The following TEK variants were observed in gnomAD, a reference collection of about 807,000 sequenced individuals.
TEK encodes the protein TEK receptor tyrosine kinase.
A neutral mutation model predicts 131.8 loss-of-function variants in TEK; 43 were observed. That is an observed-to-expected ratio of 0.33 (90% CI 0.26 to 0.42). TEK has a LOEUF of 0.42. Among genes scored for constraint, TEK ranks in the 10% least tolerant of loss-of-function variants. The pLI is 1.00. For missense variants in TEK, 1,162 were observed against 1,384.4 expected, an observed-to-expected ratio of 0.84 and a Z score of 2.55; for synonymous variants, 580 against 491.6, an observed-to-expected ratio of 1.18 and a Z score of -2.38.
chr9:27,206,601 A>C lies in TEK; in HGVS notation c.2384A>C (p.Gln795Pro), dbSNP rs758529426. The change falls in exon 15 of 23, where the codon CAG becomes CCG. Residue 795 changes from glutamine to proline, a missense_variant. Coordinates refer to ENST00000380036, the MANE Select transcript of TEK (RefSeq NM_000459.5). ...TTCCAGAGGGAAGAACCAGCTGTGCAGTTCAACTCAGGGACTCTGGCCCTA... is the reference window on the plus strand; with the variant it reads ...TTCCAGAGGGAAGAACCAGCTGTGCCGTTCAACTCAGGGACTCTGGCCCTA... ...FQNVREEPAV[Q>P]FNSGTLALNR... 1.9e-6 allele frequency: 3 copies of C among 1,614,016 alleles called. No homozygotes were observed. In the South Asian group the frequency reaches 3.3e-5, roughly 18 times the overall value.
intron 14 of TEK, 46 bp downstream of exon 14, chr9:27,205,111 C>CA: frequency 6.2e-7 from 1 of 1,609,656 alleles, no homozygotes; most frequent in Non-Finnish European, 8.5e-7. Flanking sequence ...AGTCCAAGTA[C>CA]AGGCAGAACC....
intron 10 of TEK, among the ~76,000 whole-genome samples, chr9:27,191,656 G>A (rs1465670662): frequency 6.6e-6 from 1 of 151,890 alleles, no homozygotes; most frequent in Non-Finnish European, 1.5e-5. Context: ...TGGGTAGACC[G>A]AATAAAATGG....
chr9:27,163,224 G>A (rs953623268), intron 2 of TEK, among the ~76,000 whole-genome samples: 1 of 152,160 alleles, frequency 6.6e-6, no homozygotes, highest in Non-Finnish European at 1.5e-5. Flanking sequence ...TTGGATCTGG[G>A]AAGGTGAAGT....
At chr9:27,160,699 A>G (rs1823515083) in intron 2 of TEK, among the ~76,000 whole-genome samples, 1 of 152,246 alleles carries the variant, frequency 6.6e-6, no homozygotes. Flanking sequence ...GTCAAAAGTA[A>G]TAAAATTGCT....
chr9:27,197,461 A>T lies in TEK; in HGVS notation c.1771A>T (p.Ile591Phe). The change falls in exon 12 of 23, where the codon ATT (isoleucine) becomes TTT (phenylalanine). Residue 591 changes from isoleucine (I) to phenylalanine (F), a missense_variant. Transcript: ENST00000380036. ...TGTGCAAAAAAGTGATCAGCAGAATATTAAAGTTCCAGGCAACTTGACTTC... is the reference window on the plus strand; with the variant it reads ...TGTGCAAAAAAGTGATCAGCAGAATTTTAAAGTTCCAGGCAACTTGACTTC... ...RSVQKSDQQNIKVPGNLTSVL... is the reference protein window; with the variant it reads ...RSVQKSDQQNFKVPGNLTSVL... 6.2e-7 allele frequency: 1 copy of T among 1,614,102 alleles called. No homozygotes were observed. Among genetic ancestry groups the T allele is most frequent in the Non-Finnish European group, 8.5e-7 (1 of 1,180,010 alleles).
rs1355684788 is a variant in TEK, at chr9:27,109,579, A to AT, written c.-9dup. ...ACATTTGTGGAAACTGGATGGAGAG[A>AT]TTTGGGGAAGCATGGACTCTTTAGC... On this transcript the variant is annotated 5_prime_UTR_variant, in exon 1 of 23. Coordinates refer to ENST00000380036, the MANE Select transcript of TEK (RefSeq NM_000459.5). 6 of 1,613,976 alleles carry AT rather than the reference A, an allele frequency of 3.7e-6. No homozygotes were observed. Among genetic ancestry groups the AT allele is most frequent in the Non-Finnish European group, 5.1e-6 (6 of 1,180,000 alleles).
intron 1 of TEK, among the ~76,000 whole-genome samples, chr9:27,136,087 T>TTTA (rs200186093): frequency 0.015 from 2,147 of 145,084 alleles, 62 homozygotes; most frequent in African/African-American, 0.054. Flanking sequence ...GGGCAGTTAT[T>TTTA]TTTTTTTTTT....
chr9:27,134,842 GA>G (rs1822358038), intron 1 of TEK, among the ~76,000 whole-genome samples: 1 of 152,170 alleles, frequency 6.6e-6, no homozygotes, highest in Admixed American at 6.5e-5. Flanking sequence ...AACATAGGAG[GA>G]ATATAGGTCT....
chr9:27,222,315 C>A (rs1457969715), intron 21 of TEK, among the ~76,000 whole-genome samples: 1 of 152,102 alleles, frequency 6.6e-6, no homozygotes, highest in African/African-American at 2.4e-5. Context: ...GAGAACTTCC[C>A]CAACCTAGCA....
intron 11 of TEK, among the ~76,000 whole-genome samples, chr9:27,193,895 C>T (rs531769850): frequency 6.6e-6 from 1 of 152,174 alleles, no homozygotes; most frequent in Non-Finnish European, 1.5e-5. Flanking sequence ...CAGCCTCTAT[C>T]TCCTGGGCTC....
chr9:27,146,191 T>C (rs1205003205), intron 1 of TEK, among the ~76,000 whole-genome samples: 1 of 152,258 alleles, frequency 6.6e-6, no homozygotes, highest in African/African-American at 2.4e-5. Flanking sequence ...GTTTACAGTT[T>C]GTGGCTATAT....
At chr9:27,193,652 G>C (rs916923599) in intron 11 of TEK, among the ~76,000 whole-genome samples, 2 of 151,986 alleles carry the variant, frequency 1.3e-5, no homozygotes, top group East Asian at 3.9e-4. Context: ...ACTCTCTCTT[G>C]GTCAGTACTT....
intron 6 of TEK, among the ~76,000 whole-genome samples, chr9:27,177,676 G>A (rs1564078603): frequency 6.6e-6 from 1 of 152,192 alleles, no homozygotes; most frequent in South Asian, 2.1e-4. Flanking sequence ...CTTGAACCAG[G>A]GAGGTGGAGG....
intron 18 of TEK, 102 bp downstream of exon 18, chr9:27,213,699 T>C: frequency 1.2e-6 from 1 of 854,374 alleles, no homozygotes; most frequent in Non-Finnish European, 2.0e-6. Context: ...GACTGAAGCA[T>C]CTGACTGTAT....
At chr9:27,222,486 G>A (rs1277452688) in intron 21 of TEK, among the ~76,000 whole-genome samples, 2 of 152,194 alleles carry the variant, frequency 1.3e-5, no homozygotes, top group African/African-American at 4.8e-5. Context: ...TACCCACAAA[G>A]GGAAGCCAAA....
intron 1 of TEK, among the ~76,000 whole-genome samples, chr9:27,115,195 C>T (rs1299914850): frequency 6.6e-6 from 1 of 152,036 alleles, no homozygotes; most frequent in East Asian, 1.9e-4. Flanking sequence ...AATGAAATAG[C>T]AATATCTGAA....
Position 27,189,985 on chromosome 9 carries a change from G to C in TEK, c.1328-544G>C, listed in dbSNP as rs116150807. 2.9e-3 allele frequency among the ~76,000 whole-genome samples: 438 copies of C among 152,290 alleles called. 4 individuals are homozygous for C. The highest frequency in any genetic ancestry group is 9.8e-3 in the African/African-American group (407 of 41,558). On this transcript the variant is annotated intron_variant, in intron 9 of 22. Coordinates refer to ENST00000380036, the MANE Select transcript of TEK (RefSeq NM_000459.5). ...ACCATGAAGGAAAAGTAGAGGTTCT[G>C]TGAAAGTATACAATACCTTAATTCA... is the stretch of plus-strand genomic sequence containing the variant.
At chr9:27,151,507 C>T (rs1161165200) in intron 1 of TEK, among the ~76,000 whole-genome samples, 1 of 152,138 alleles carries the variant, frequency 6.6e-6, no homozygotes, top group Non-Finnish European at 1.5e-5. Context: ...ATCTTCTCAT[C>T]TCTCTCTTGC....
chr9:27,158,195 C>T (rs947123643), intron 2 of TEK, 53 bp downstream of exon 2: 3 of 1,606,522 alleles, frequency 1.9e-6, no homozygotes, highest in Non-Finnish European at 2.6e-6. Flanking sequence ...AACACACACA[C>T]CTTTTGTCTT....
Sources: gnomAD v4.1 joint callset for allele counts (sites outside exome capture counted in the v4.1 genomes callset) on GRCh38, gnomAD v4.1.1 for gene constraint, MANE v1.5 for transcripts, NCBI Gene and HGNC (gene_info 2026-07-23, HGNC 2026-07-21) for gene names.